MYH9: variants seen among roughly 807,000 people sequenced by gnomAD.
MYH9 encodes myosin heavy chain 9.
Under a neutral mutation model 241.9 loss-of-function variants are expected in MYH9, and 29 were observed. The observed-to-expected ratio is 0.12, with a 90% CI of 0.09 to 0.16. MYH9 has a LOEUF of 0.16. MYH9 is among the 10% of genes least tolerant of loss of function. The pLI is 1.00. For missense variants in MYH9, 1,803 were observed against 2,595.5 expected, an observed-to-expected ratio of 0.69 and a Z score of 6.63; for synonymous variants, 1,047 against 1,062.6, an observed-to-expected ratio of 0.99 and a Z score of 0.29.
In MYH9 at chr22:36,354,956, AACACAC is replaced by A. The variant is rs136203; in HGVS notation, c.-19-5707_-19-5702del. On this transcript the variant is annotated intron_variant, in intron 1 of 40. Coordinates refer to ENST00000216181, the MANE Select transcript of MYH9 (RefSeq NM_002473.6). ...AAAAAAACAAAAAAACAAAAAACAA[AACACAC>A]ACACACACACACACACACACACACA... Among the ~76,000 whole-genome samples the A allele has an allele frequency of 8.7e-3, 1,073 of 123,712 alleles. 8 individuals carry two copies. Among genetic ancestry groups the A allele is most frequent in the African/African-American group, 0.023 (766 of 32,836 alleles). The allele number at this position is 123,712 out of a possible 152,430, so 81.2% of individuals were successfully genotyped here.
rs192365600 is a variant in MYH9, at chr22:36,294,143, G to A, written c.3786C>T (p.Asn1262=). ...GCTCTGTGCGCACGCGCTCTCCCTC[G>A]TTGAACTTGACCTGCAGCTCCTGCA... ...AQLQELQVKF[N]EGERVRTELA... is the part of the protein sequence containing the mutation. The change falls in exon 28 of 41, where the codon AAC becomes AAT. Residue 1262 remains asparagine (N), a synonymous_variant. Coordinates refer to ENST00000216181, the MANE Select transcript of MYH9 (RefSeq NM_002473.6). 36 of 1,612,324 alleles carry A rather than the reference G, an allele frequency of 2.2e-5. No homozygotes were observed. The highest frequency in any genetic ancestry group is 1.6e-4 in the Middle Eastern group (1 of 6,082).
At position 36,300,838 on chromosome 22, in the gene MYH9, A is replaced by G. The variant is rs1172210751; in HGVS notation, c.2838+13T>C. The G allele has an allele frequency of 6.3e-7, 1 of 1,599,562 alleles. No individual in the cohort carries two copies. Among genetic ancestry groups the G allele is most frequent in the Non-Finnish European group, 8.5e-7 (1 of 1,179,890 alleles). On this transcript the variant is annotated intron_variant, in intron 22 of 40. Transcript: ENST00000216181. This position sits in a 1 kb window ranked among gnomAD's most constrained non-coding sequence, Gnocchi z 5.0. ...TCCGGCGCCACCCCTCCCCGGGTGC[A>G]GCGGGCAGGAACCTGGATGTTCTGC...
rs1210393020 is a variant in MYH9 at position 36,306,024 on chromosome 22, G to A, written c.2065C>T (p.Leu689=). ...KAGKLDPHLV[L]DQLRCNGVLE... Reference sequence around the variant, plus strand: ...ACACCGTTGCAGCGCAGCTGGTCCAGCACGAGATGCGGGTCCAGCTTGCCG... The same window carrying A: ...ACACCGTTGCAGCGCAGCTGGTCCAACACGAGATGCGGGTCCAGCTTGCCG... Residue 689 remains leucine, a synonymous_variant, in exon 17 of 41, where the codon CTG becomes TTG. Transcript: ENST00000216181. This position sits in a 1 kb window ranked among gnomAD's most constrained non-coding sequence, Gnocchi z 4.1. The A allele has an allele frequency of 6.2e-7, 1 of 1,613,298 alleles. No individual in the cohort carries two copies. Among genetic ancestry groups the A allele is most frequent in the South Asian group, 1.1e-5 (1 of 91,090 alleles).
chr22:36,335,304 G>A (rs2017481188), intron 3 of MYH9, among the ~76,000 whole-genome samples: 2 of 152,214 alleles, frequency 1.3e-5, no homozygotes, highest in African/African-American at 2.4e-5. Context: ...CACAGAACAC[G>A]CCCCATCTTG....
chr22:36,284,851 ACCCCCCTGTACC>A (rs1300052169), intron 38 of MYH9, among the ~76,000 whole-genome samples: 2 of 151,812 alleles, frequency 1.3e-5, no homozygotes, highest in African/African-American at 4.8e-5. Flanking sequence ...AGTGGGCAGG[ACCCCCCTGTACC>A]TCCTGCTCTG....
intron 25 of MYH9, 90 bp downstream of exon 25, chr22:36,296,746 TGCTCACA>T: frequency 1.5e-6 from 2 of 1,352,568 alleles, no homozygotes; most frequent in Non-Finnish European, 2.0e-6. Flanking sequence ...GTGGAAAGAA[TGCTCACA>T]GCTCACTAGT....
intron 15 of MYH9, 62 bp downstream of exon 15, chr22:36,309,220 G>A: frequency 3.6e-6 from 5 of 1,378,852 alleles, no homozygotes; most frequent in Non-Finnish European, 4.1e-6. Flanking sequence ...GCCCACTGTG[G>A]AGGTGGGAAG....
rs150516948 is a variant in MYH9, at chr22:36,344,238, G to A, written c.334-2712C>T. Reference sequence around the variant, plus strand: ...CTTCGCGCCCACGCGGCGCGGCCACGACACGGCGCTGCTCCATTCACAGGC... The same window carrying A: ...CTTCGCGCCCACGCGGCGCGGCCACAACACGGCGCTGCTCCATTCACAGGC... On this transcript the variant is annotated intron_variant, in intron 2 of 40. Transcript: ENST00000216181. Among the ~76,000 whole-genome samples, 32 of 152,376 alleles carry A rather than the reference G, an allele frequency of 2.1e-4. No individual in the cohort carries two copies. In the East Asian group the frequency reaches 4.8e-3, roughly 23 times the overall value.
chr22:36,288,813 G>A lies in MYH9; in HGVS notation c.4684C>T (p.Leu1562=). The change falls in exon 33 of 41, where the codon CTG becomes TTG. Residue 1562 remains leucine, a synonymous_variant. Coordinates refer to ENST00000216181, the MANE Select transcript of MYH9 (RefSeq NM_002473.6). The surrounding 1 kb of genome is among the most constrained non-coding windows in gnomAD (Gnocchi z 4.8). ...EDAKLRLEVN[L]QAMKAQFERD... Reference sequence around the variant, plus strand: ...TCGAACTGGGCCTTCATGGCCTGCAGGTTGACCTCCAACCGCAGCTTGGCA... The same window carrying A: ...TCGAACTGGGCCTTCATGGCCTGCAAGTTGACCTCCAACCGCAGCTTGGCA... 6.2e-7 allele frequency: 1 copy of A among 1,613,384 alleles called. No homozygotes were observed. The highest frequency in any genetic ancestry group is 8.5e-7 in the Non-Finnish European group (1 of 1,179,994).
In MYH9 at chr22:36,302,615, C is replaced by T. The variant is rs565554438; in HGVS notation, c.2452G>A (p.Ala818Thr). 1 of 1,613,632 alleles carries T rather than the reference C, an allele frequency of 6.2e-7. No individual in the cohort carries two copies. Among genetic ancestry groups the T allele is most frequent in the South Asian group, 1.1e-5 (1 of 91,086 alleles). ...AMKVLQRNCA[A>T]YLKLRNWQWW... ...TGCCAGTTCCGCAGCTTCAGGTAGG[C>T]AGCGCAGTTCCGCTGGAGGACCTTC... The change falls in exon 20 of 41, where the codon GCC becomes ACC. Residue 818 changes from alanine to threonine, a missense_variant. Ala to Thr is a moderately conservative substitution (Grantham distance 58). Coordinates refer to ENST00000216181, the MANE Select transcript of MYH9 (RefSeq NM_002473.6).
intron 15 of MYH9, among the ~76,000 whole-genome samples, chr22:36,308,087 C>T (rs538658111): frequency 6.6e-6 from 1 of 152,122 alleles, no homozygotes; most frequent in South Asian, 2.1e-4. Flanking sequence ...GCAGACCTTG[C>T]CGAGCAACTG....
chr22:36,349,445 T>G (rs1252522995), intron 1 of MYH9, among the ~76,000 whole-genome samples, 190 bp from the exon 2 acceptor site: 1 of 152,190 alleles, frequency 6.6e-6, no homozygotes, highest in African/African-American at 2.4e-5. Flanking sequence ...AAAAAACAAG[T>G]TGGGCCCAGG....
intron 1 of MYH9, among the ~76,000 whole-genome samples, chr22:36,359,145 C>T (rs2017899040): frequency 6.6e-6 from 1 of 152,242 alleles, no homozygotes; most frequent in African/African-American, 2.4e-5. Flanking sequence ...GCCCTCCCGT[C>T]TGTGCTCTGT....
intron 31 of MYH9, 150 bp downstream of exon 31, chr22:36,291,834 CCA>C: frequency 8.8e-7 from 1 of 1,132,750 alleles, no homozygotes; most frequent in Non-Finnish European, 1.2e-6. Flanking sequence ...CCTCAACAAG[CCA>C]GAGCCTGAGG....
At chr22:36,367,047 G>A (rs1000472439) in intron 1 of MYH9, among the ~76,000 whole-genome samples, 14 of 152,158 alleles carry the variant, frequency 9.2e-5, no homozygotes, top group Non-Finnish European at 1.9e-4. Context: ...CCACGTTAGG[G>A]GGCTCGCAGA....
chr22:36,317,821 A>G (rs2017182888), intron 11 of MYH9, among the ~76,000 whole-genome samples: 1 of 152,272 alleles, frequency 6.6e-6, no homozygotes, highest in African/African-American at 2.4e-5. Context: ...CGCTTGGCAC[A>G]GGCTCGAGGA....
intron 31 of MYH9, among the ~76,000 whole-genome samples, chr22:36,291,199 G>A (rs904889382): frequency 6.6e-6 from 1 of 152,122 alleles, no homozygotes; most frequent in African/African-American, 2.4e-5. Context: ...CTCATTGATA[G>A]CGGGCCATGA....
chr22:36,355,940 G>A (rs1381066130), intron 1 of MYH9, among the ~76,000 whole-genome samples: 2 of 152,124 alleles, frequency 1.3e-5, no homozygotes, highest in African/African-American at 4.8e-5. Context: ...CCATCCTTCC[G>A]ACCTAAATTG....
chr22:36,322,338 G>A, intron 6 of MYH9, 91 bp downstream of exon 6: 1 of 1,393,654 alleles, frequency 7.2e-7, no homozygotes, highest in Non-Finnish European at 1.0e-6. Context: ...CCTCGGTTTT[G>A]AGGGGAGGGC....
Sources: allele counts gnomAD v4.1 joint callset (sites outside exome capture counted in the v4.1 genomes callset), GRCh38; gene constraint gnomAD v4.1.1; non-coding constraint Gnocchi (gnomAD v3.1); transcripts MANE v1.5; gene names NCBI Gene and HGNC (gene_info 2026-07-23, HGNC 2026-07-21).